MB21D2: variants seen among roughly 807,000 people sequenced by gnomAD.
The protein encoded by MB21D2 is Mab-21 domain containing 2, also known as nucleotidyltransferase MB21D2.
MB21D2 carries 9 observed loss-of-function variants against 33.3 expected under a neutral mutation model. The observed-to-expected ratio is 0.27, with a 90% CI of 0.16 to 0.47. MB21D2 has a LOEUF of 0.47. MB21D2 is among the 20% of genes least tolerant of loss of function. MB21D2 has a pLI of 0.99. For synonymous variants in MB21D2, 241 were observed against 236.3 expected (o/e 1.02, Z -0.18); for missense variants, 540 against 624.6 (o/e 0.86, Z 1.44).
chr3:192,865,957 A>AT (rs1713158276), intron 1 of MB21D2, among the ~76,000 whole-genome samples: 1 of 151,822 alleles, frequency 6.6e-6, no homozygotes, highest in African/African-American at 2.4e-5. Context: ...AGGCGGGAGG[A>AT]TTGCTGGGGC....
At chr3:192,829,017 C>T (rs1214815547) in intron 1 of MB21D2, among the ~76,000 whole-genome samples, 2 of 152,060 alleles carry the variant, frequency 1.3e-5, no homozygotes, top group Non-Finnish European at 1.5e-5. Flanking sequence ...ATAACCACCA[C>T]AATTAAGACA....
Position 192,799,533 on chromosome 3 carries a change from C to T in MB21D2, c.329G>A (p.Arg110Gln), listed in dbSNP as rs766823750. The T allele has an allele frequency of 3.7e-6, 6 of 1,614,186 alleles. No individual in the cohort carries two copies. The highest frequency in any genetic ancestry group is 1.6e-4 in the Middle Eastern group (1 of 6,062). The change falls in exon 2 of 2, where the codon CGG (arginine) becomes CAG (glutamine). Residue 110 changes from arginine (R) to glutamine (Q), a missense_variant. Coordinates refer to ENST00000392452, the MANE Select transcript of MB21D2 (RefSeq NM_178496.4). The surrounding 1 kb of genome is among the most constrained non-coding windows in gnomAD (Gnocchi z 4.1). ...LDLDELNVYA[R>Q]GTDYDMDFTL... ...AAAGTCCATATCATAGTCAGTACCCCGGGCATAGACATTAAGCTCATCTAA... is the reference window on the plus strand; with the variant it reads ...AAAGTCCATATCATAGTCAGTACCCTGGGCATAGACATTAAGCTCATCTAA...
intron 1 of MB21D2, among the ~76,000 whole-genome samples, chr3:192,851,491 GTTTTTTTTT>G (rs34763701): frequency 6.1e-5 from 6 of 97,596 alleles, no homozygotes; most frequent in South Asian, 3.4e-4. Flanking sequence ...TTTTTTGTCT[GTTTTTTTTT>G]TTTTTTTTTT....
At chr3:192,839,297 T>G (rs1712518373) in intron 1 of MB21D2, among the ~76,000 whole-genome samples, 1 of 152,226 alleles carries the variant, frequency 6.6e-6, no homozygotes, top group Non-Finnish European at 1.5e-5. Flanking sequence ...TTACGTACCT[T>G]CCTTCTAGGA....
chr3:192,884,168 A>T (rs1713670324), intron 1 of MB21D2, among the ~76,000 whole-genome samples: 1 of 152,094 alleles, frequency 6.6e-6, no homozygotes, highest in African/African-American at 2.4e-5. Flanking sequence ...GTGGTGATGT[A>T]AAACTGCATT....
At chr3:192,912,466 C>G (rs1714377491) in intron 1 of MB21D2, among the ~76,000 whole-genome samples, 1 of 152,032 alleles carries the variant, frequency 6.6e-6, no homozygotes. Flanking sequence ...GTCAGGAGTT[C>G]TAGACCAGCC....
At chr3:192,825,500 CAT>C (rs1400137101) in intron 1 of MB21D2, among the ~76,000 whole-genome samples, 4 of 152,078 alleles carry the variant, frequency 2.6e-5, no homozygotes, top group Non-Finnish European at 5.9e-5. Flanking sequence ...AATCAGAAAA[CAT>C]AAAAGAATAT....
rs537204621 is a variant in MB21D2 at position 192,805,854 on chromosome 3, T to TC, written c.212-6205dup. ...ATGTTCCCCATATGTTCTTCCCTTT[T>TC]CCTACCACACATAAACTGGAAGAGC... On this transcript the variant is annotated intron_variant, in intron 1 of 1. Coordinates refer to ENST00000392452, the MANE Select transcript of MB21D2 (RefSeq NM_178496.4). Among the ~76,000 whole-genome samples the TC allele has an allele frequency of 3.0e-3, 455 of 152,376 alleles. 2 individuals carry two copies. The highest frequency in any genetic ancestry group is 0.022 in the South Asian group (107 of 4,832).
At chr3:192,917,499 G>T in intron 1 of MB21D2, 131 bp downstream of exon 1, 1 of 835,970 alleles carries the variant, frequency 1.2e-6, no homozygotes, top group Non-Finnish European at 1.9e-6. Flanking sequence ...AACAGAGATG[G>T]CTTATACCCA....
chr3:192,849,222 C>T (rs1016015394), intron 1 of MB21D2, among the ~76,000 whole-genome samples: 1 of 150,156 alleles, frequency 6.7e-6, no homozygotes, highest in Non-Finnish European at 1.5e-5. Flanking sequence ...TTACTCGAAC[C>T]TTCCGAATTC....
At chr3:192,859,611 G>A (rs1712994011) in intron 1 of MB21D2, among the ~76,000 whole-genome samples, 1 of 150,314 alleles carries the variant, frequency 6.7e-6, no homozygotes, top group South Asian at 2.1e-4. Context: ...GTTTTCTTCA[G>A]CACTTTATCC....
chr3:192,838,753 A>G (rs1157621679), intron 1 of MB21D2, among the ~76,000 whole-genome samples: 1 of 152,178 alleles, frequency 6.6e-6, no homozygotes, highest in African/African-American at 2.4e-5. Flanking sequence ...AAACCAGCAT[A>G]CTTTCCAATG....
In MB21D2 at chr3:192,797,547, A is replaced by C. The variant is rs74624844; in HGVS notation, c.*839T>G. 6.5e-5 allele frequency: 10 copies of C among 152,770 alleles called. No individual in the cohort carries two copies. In the East Asian group the frequency reaches 1.9e-3, roughly 29 times the overall value. 9.5% of individuals were successfully genotyped at this position (152,770 alleles called of 1,614,324 possible). A position where few individuals can be genotyped will look rare whatever the true frequency, so the allele number is the denominator to read the frequency against. ...ACTGATAGAAATGGGCAAAATGAAA[A>C]AATGATAGAATTTCGAGAGTGGTTG... On this transcript the variant is annotated 3_prime_UTR_variant, in exon 2 of 2. Transcript: ENST00000392452.
intron 1 of MB21D2, among the ~76,000 whole-genome samples, chr3:192,851,207 C>T (rs937199856): frequency 2.0e-5 from 3 of 151,990 alleles, no homozygotes; most frequent in Admixed American, 6.6e-5. Flanking sequence ...TATTGTTACA[C>T]GGATAACCTT....
rs149045986 is a variant in MB21D2 at position 192,798,312 on chromosome 3, G to A, written c.*74C>T. ...ATCTAGGCTGGATATGTAAAAAACAGAAAGATAGCATCACAAACCACACGA... is the reference window on the plus strand; with the variant it reads ...ATCTAGGCTGGATATGTAAAAAACAAAAAGATAGCATCACAAACCACACGA... On this transcript the variant is annotated 3_prime_UTR_variant, in exon 2 of 2. Transcript: ENST00000392452. This position sits in a 1 kb window ranked among gnomAD's most constrained non-coding sequence, Gnocchi z 4.8. 6.0e-5 allele frequency: 90 copies of A among 1,505,542 alleles called. No individual in the cohort carries two copies. In the East Asian group the frequency reaches 2.0e-3, roughly 34 times the overall value. The allele number at this position is 1,505,542 out of a possible 1,614,324, so 93.3% of individuals were successfully genotyped here. A position where few individuals can be genotyped will look rare whatever the true frequency, so the allele number is the denominator to read the frequency against.
chr3:192,803,297 G>A (rs1387396408), intron 1 of MB21D2, among the ~76,000 whole-genome samples: 1 of 152,202 alleles, frequency 6.6e-6, no homozygotes, highest in Non-Finnish European at 1.5e-5. Flanking sequence ...ATTCAAAGGA[G>A]TCAACATCAA....
intron 1 of MB21D2, among the ~76,000 whole-genome samples, chr3:192,882,859 C>G (rs1047196930): frequency 6.6e-6 from 1 of 151,952 alleles, no homozygotes; most frequent in East Asian, 1.9e-4. Flanking sequence ...CTCAGCCTCC[C>G]GAGTAGCTGG....
intron 1 of MB21D2, among the ~76,000 whole-genome samples, chr3:192,827,955 A>G (rs190595340): frequency 6.6e-6 from 1 of 152,164 alleles, no homozygotes; most frequent in South Asian, 2.1e-4. Context: ...GGTTTCCCCC[A>G]TAATGTTCTC....
chr3:192,905,454 T>C (rs1285585943), intron 1 of MB21D2, among the ~76,000 whole-genome samples: 1 of 151,550 alleles, frequency 6.6e-6, no homozygotes, highest in African/African-American at 2.4e-5. Context: ...CTGACCAACA[T>C]GGTGAAACCC....
Sources: gnomAD v4.1 joint callset for allele counts (sites outside exome capture counted in the v4.1 genomes callset) on GRCh38, gnomAD v4.1.1 for gene constraint, Gnocchi (gnomAD v3.1) non-coding constraint, MANE v1.5 for transcripts, NCBI Gene and HGNC (gene_info 2026-07-23, HGNC 2026-07-21) for gene names.